The following FBXL18 variants were observed in gnomAD, a reference collection of about 807,000 sequenced individuals.
The protein encoded by FBXL18 is F-box and leucine rich repeat protein 18.
FBXL18 carries 36 observed loss-of-function variants against 46.0 expected under a neutral mutation model. That is an observed-to-expected ratio of 0.78 (90% CI 0.60 to 1.03). The LOEUF (loss-of-function observed/expected upper bound fraction) is 1.03. Ranked by LOEUF, FBXL18 falls within the 50% of genes least tolerant of loss-of-function variation. The pLI, the probability that FBXL18 is intolerant of heterozygous loss-of-function variation, is 0.00. For missense variants in FBXL18, 977 were observed against 1,004.1 expected (o/e 0.97, Z 0.36); for synonymous variants, 557 against 465.3 (o/e 1.20, Z -2.54).
chr7:5,495,366 C>T (rs1784049444), intron 3 of FBXL18, among the ~76,000 whole-genome samples: 2 of 152,306 alleles, frequency 1.3e-5, no homozygotes, highest in Admixed American at 6.5e-5. Flanking sequence ...CCAGACGCTG[C>T]CCTGGTCACG....
chr7:5,504,449 C>A (rs1784343522), intron 2 of FBXL18, among the ~76,000 whole-genome samples: 1 of 146,912 alleles, frequency 6.8e-6, no homozygotes, highest in East Asian at 2.1e-4. Flanking sequence ...GGATTACAGG[C>A]TCCCACCACC....
intron 4 of FBXL18, among the ~76,000 whole-genome samples, chr7:5,462,012 G>A (rs926395352): frequency 1.3e-5 from 2 of 151,916 alleles, no homozygotes; most frequent in Admixed American, 1.3e-4. Context: ...GCACTATGAG[G>A]GACTGAATCA....
intron 4 of FBXL18, chr7:5,489,337 A>T (rs375897734): frequency 1.0e-4 from 54 of 518,678 alleles, no homozygotes; most frequent in African/African-American, 9.2e-4. Context: ...CCTTCACTTA[A>T]AAATAGGTTG....
Position 5,481,534 on chromosome 7 carries a change from A to C in FBXL18, c.*241T>G. 8.9e-5 allele frequency: 30 copies of C among 338,444 alleles called. No homozygotes were observed. Among genetic ancestry groups the C allele is most frequent in the South Asian group, 2.3e-4 (7 of 30,768 alleles). 21.0% of individuals were successfully genotyped at this position (338,444 alleles called of 1,614,324 possible). ...GTCAGCCTGGTTCAGCCAGCCCCCC[A>C]CATCGACCGTCCCCCGAGCCCCCTC... On this transcript the variant is annotated 3_prime_UTR_variant, in exon 5 of 5. Transcript: ENST00000382368.
At chr7:5,506,952 C>T (rs748668087) in intron 1 of FBXL18, among the ~76,000 whole-genome samples, 17 of 152,114 alleles carry the variant, frequency 1.1e-4, no homozygotes, top group Non-Finnish European at 2.1e-4. Flanking sequence ...TTGGTTTATA[C>T]GATGAAGAGG....
chr7:5,491,797 C>T lies in FBXL18; in HGVS notation c.1782-348G>A, dbSNP rs1422144479. Among the ~76,000 whole-genome samples the T allele has an allele frequency of 2.6e-5, 4 of 152,312 alleles. 1 individual carries two copies. The South Asian group carries it at 8.3e-4, about 32-fold the overall frequency. On this transcript the variant is annotated intron_variant, in intron 3 of 4. Transcript: ENST00000382368. The stretch of plus-strand genomic sequence containing the variant: ...CCCCAGGCACCCTATCTTCCTCAAA[C>T]GCTGGTGTGCTGGGCAGCGGATGCA...
At chr7:5,493,071 A>T (rs148062230) in intron 3 of FBXL18, among the ~76,000 whole-genome samples, 361 of 152,290 alleles carry the variant, frequency 2.4e-3, no homozygotes, top group African/African-American at 8.3e-3. Context: ...ATGGTGGCTC[A>T]CACTTATAAT....
In FBXL18 at chr7:5,484,938, C is replaced by T. The variant is rs186661806; in HGVS notation, c.2001-3007G>A. 1.2e-3 allele frequency among the ~76,000 whole-genome samples: 187 copies of T among 152,130 alleles called. 1 individual carries two copies. The highest frequency in any genetic ancestry group is 1.9e-3 in the Non-Finnish European group (129 of 68,000). On this transcript the variant is annotated intron_variant, in intron 4 of 4. Coordinates refer to ENST00000382368, the MANE Select transcript of FBXL18 (RefSeq NM_024963.6). ...ACAGGTGTGAGCCACCATACCCGGCCATTATTTTTTATTTTTTATTTTTTG... is the reference window on the plus strand; with the variant it reads ...ACAGGTGTGAGCCACCATACCCGGCTATTATTTTTTATTTTTTATTTTTTG...
intron 4 of FBXL18, among the ~76,000 whole-genome samples, chr7:5,464,628 A>C (rs1349288645): frequency 7.5e-6 from 1 of 133,554 alleles, no homozygotes; most frequent in Non-Finnish European, 1.5e-5. Context: ...ACACCACTGA[A>C]CTCTAGCCTG....
chr7:5,494,272 C>CA lies in FBXL18; in HGVS notation c.1782-2824dup, dbSNP rs1171789679. Among the ~76,000 whole-genome samples, 1,019 of 118,228 alleles carry CA rather than the reference C, an allele frequency of 8.6e-3. 8 individuals are homozygous for CA. Among genetic ancestry groups the CA allele is most frequent in the African/African-American group, 0.016 (522 of 32,420 alleles). 77.6% of individuals were successfully genotyped at this position (118,228 alleles called of 152,430 possible). On this transcript the variant is annotated intron_variant, in intron 3 of 4. Transcript: ENST00000382368. ...GGGCAACAAGAGTGAAACTCCATCT[C>CA]AAAAAAAAAAAAAAAAATTAGCTGG...
chr7:5,501,584 T>A lies in FBXL18; in HGVS notation c.685A>T (p.Asn229Tyr). Residue 229 changes from asparagine (N) to tyrosine (Y), a missense_variant, in exon 3 of 5, where the codon AAC becomes TAC. By Grantham distance (143) the Asn-to-Tyr change is moderately radical. Transcript: ENST00000382368. ...AGGCGCGCATAGAAGACCCGCAGGT[T>A]CTGGTAGTGCGGCACGTTGCTCTGG... The part of the protein sequence containing the change: ...VGQSNVPHYQ[N>Y]LRVFYARLAP... 6.2e-7 allele frequency: 1 copy of A among 1,613,872 alleles called. No individual in the cohort carries two copies. The highest frequency in any genetic ancestry group is 8.5e-7 in the Non-Finnish European group (1 of 1,180,004).
Position 5,505,620 on chromosome 7 carries a change from T to A in FBXL18, c.29A>T (p.Asn10Ile), listed in dbSNP as rs372509495. The A allele has an allele frequency of 1.9e-6, 3 of 1,613,714 alleles. No individual in the cohort carries two copies. The highest frequency in any genetic ancestry group is 2.5e-6 in the Non-Finnish European group (3 of 1,179,866). Residue 10 changes from asparagine (N) to isoleucine (I), a missense_variant, in exon 2 of 5, where the codon AAT (asparagine) becomes ATT (isoleucine). Transcript: ENST00000382368. ...TGCAGGGTGCATGTCATCATCATCA[T>A]TGGATATGTCCTGAAAATAAGGGGG... is the stretch of plus-strand genomic sequence containing the variant. MASSGEDIS[N>I]DDDDMHPAAA...
At chr7:5,464,037 G>A (rs962430192) in intron 4 of FBXL18, among the ~76,000 whole-genome samples, 8 of 151,966 alleles carry the variant, frequency 5.3e-5, no homozygotes, top group Non-Finnish European at 8.8e-5. Context: ...CGCGCACCTG[G>A]CCTGAACTAT....
At chr7:5,458,915 G>A (rs577423921) in intron 4 of FBXL18, among the ~76,000 whole-genome samples, 60 of 152,144 alleles carry the variant, frequency 3.9e-4, no homozygotes, top group African/African-American at 1.4e-3. Context: ...GGGAAGCCAA[G>A]TTGGGAGGAT....
intron 1 of FBXL18, among the ~76,000 whole-genome samples, chr7:5,508,733 T>G (rs779686278): frequency 6.6e-6 from 1 of 152,080 alleles, no homozygotes; most frequent in Non-Finnish European, 1.5e-5. Flanking sequence ...AGAGACAAAC[T>G]TGATCAGAAT....
chr7:5,474,666 G>A (rs1214026196), downstream of FBXL18, among the ~76,000 whole-genome samples: 10 of 85,804 alleles, frequency 1.2e-4, no homozygotes, highest in Admixed American at 1.4e-4. Flanking sequence ...ATCCTCCGCT[G>A]GCAAATTATG....
Position 5,502,172 on chromosome 7 carries a change from C to A in FBXL18, c.238-141G>T, listed in dbSNP as rs1247074833. 5 of 649,114 alleles carry A rather than the reference C, an allele frequency of 7.7e-6. No homozygotes were observed. In the East Asian group the frequency reaches 1.1e-4, roughly 14 times the overall value. The allele number at this position is 649,114 out of a possible 1,614,324, so 40.2% of individuals were successfully genotyped here. A position where few individuals can be genotyped will look rare whatever the true frequency, so the allele number is the denominator to read the frequency against. ...TCCCCACCTCTCGCTGCCTACCTGC[C>A]CGCACTCTGACCTGGAGCCAAGAGT... is the stretch of plus-strand genomic sequence containing the variant. On this transcript the variant is annotated intron_variant, in intron 2 of 4. Transcript: ENST00000382368.
At chr7:5,506,647 C>T (rs1451212649) in intron 1 of FBXL18, among the ~76,000 whole-genome samples, 1 of 151,648 alleles carries the variant, frequency 6.6e-6, no homozygotes, top group Admixed American at 6.6e-5. Flanking sequence ...ACCTCCACCT[C>T]GCAGGTTCAG....
chr7:5,509,405 A>G lies in FBXL18; in HGVS notation c.19-3775T>C, dbSNP rs547159208. On this transcript the variant is annotated intron_variant, in intron 1 of 4. Coordinates refer to ENST00000382368, the MANE Select transcript of FBXL18 (RefSeq NM_024963.6). ...ACATGCTGTGCTCCAAATAAAACAG[A>G]AATTTTGGACAGGCGCGGTGGCTCA... is the stretch of plus-strand genomic sequence containing the variant. Among the ~76,000 whole-genome samples, 100 of 152,164 alleles carry G rather than the reference A, an allele frequency of 6.6e-4. 1 individual carries two copies. Among genetic ancestry groups the G allele is most frequent in the Non-Finnish European group, 1.2e-3 (81 of 68,016 alleles).
Sources: allele counts gnomAD v4.1 joint callset (sites outside exome capture counted in the v4.1 genomes callset), GRCh38; gene constraint gnomAD v4.1.1; transcripts MANE v1.5; gene names NCBI Gene and HGNC (gene_info 2026-07-23, HGNC 2026-07-21).